Variants in NBEA observed in about 807,000 individuals in gnomAD.
NBEA encodes lysosomal-trafficking regulator 2.
A neutral mutation model predicts 343.4 loss-of-function variants in NBEA; 44 were observed. The ratio of observed to expected loss-of-function variants is 0.13; its 90% CI spans 0.10 to 0.16. NBEA has a LOEUF of 0.16. Among genes scored for constraint, NBEA ranks in the 10% least tolerant of loss-of-function variants. The pLI, the probability that NBEA is intolerant of heterozygous loss-of-function variation, is 1.00. For missense variants in NBEA, 2,555 were observed against 3,631.3 expected (o/e 0.70, Z 7.62); for synonymous variants, 1,175 against 1,238.7 (o/e 0.95, Z 1.08).
chr13:35,493,101 A>G (rs563698415), intron 41 of NBEA, among the ~76,000 whole-genome samples: 1 of 152,074 alleles, frequency 6.6e-6, no homozygotes, highest in African/African-American at 2.4e-5. Flanking sequence ...AAAAGTGATT[A>G]TAAGATTCTG....
intron 36 of NBEA, among the ~76,000 whole-genome samples, chr13:35,337,736 C>T (rs1055648601): frequency 1.3e-5 from 2 of 152,006 alleles, no homozygotes; most frequent in African/African-American, 4.8e-5. Flanking sequence ...AAAAACAATT[C>T]TCAGTAAGTT....
At chr13:35,055,372 C>A (rs1475732914) in intron 6 of NBEA, among the ~76,000 whole-genome samples, 1 of 151,600 alleles carries the variant, frequency 6.6e-6, no homozygotes, top group Non-Finnish European at 1.5e-5. Context: ...AATATGAACT[C>A]TTTCATTTAT....
At chr13:35,490,807 A>G (rs942078125) in intron 41 of NBEA, among the ~76,000 whole-genome samples, 1 of 151,918 alleles carries the variant, frequency 6.6e-6, no homozygotes, top group African/African-American at 2.4e-5. Context: ...CATTGTTAAG[A>G]ATCTGAAACA....
intron 41 of NBEA, chr13:35,475,401 G>C: frequency 6.2e-7 from 1 of 1,613,694 alleles, no homozygotes; most frequent in African/African-American, 1.3e-5. Flanking sequence ...ACTTCTTTCT[G>C]CAGCCCCCCA....
intron 8 of NBEA, among the ~76,000 whole-genome samples, chr13:35,063,544 G>T (rs536579602): frequency 3.9e-5 from 6 of 152,126 alleles, no homozygotes; most frequent in African/African-American, 1.4e-4. Flanking sequence ...GCAAGGGGAA[G>T]AGTCAAGGAA....
In NBEA at chr13:35,377,236, A is replaced by T. The variant is rs527555975; in HGVS notation, c.6179+24913A>T. ...TCATCAAAAACAGTATTAATCTAAT[A>T]AACAGCAAGGAGCAGCAGCAGCAAT... On this transcript the variant is annotated intron_variant, in intron 38 of 58. Transcript: ENST00000379939. 4.6e-5 allele frequency among the ~76,000 whole-genome samples: 7 copies of T among 152,310 alleles called. No individual in the cohort carries two copies. In the South Asian group the frequency reaches 1.4e-3, roughly 32 times the overall value.
At chr13:35,104,825 G>T (rs751438676) in intron 11 of NBEA, among the ~76,000 whole-genome samples, 12 of 151,826 alleles carry the variant, frequency 7.9e-5, no homozygotes, top group Non-Finnish European at 1.3e-4. Flanking sequence ...AAACTTAGAG[G>T]TTATCCAGCG....
At chr13:35,640,578 G>C (rs1359711759) in intron 49 of NBEA, among the ~76,000 whole-genome samples, 1 of 152,196 alleles carries the variant, frequency 6.6e-6, no homozygotes, top group African/African-American at 2.4e-5. Context: ...CCATGAAGAT[G>C]TCATAATTTC....
intron 39 of NBEA, among the ~76,000 whole-genome samples, chr13:35,433,895 A>G (rs1311940128): frequency 6.6e-6 from 1 of 152,024 alleles, no homozygotes; most frequent in Non-Finnish European, 1.5e-5. Flanking sequence ...CATTTCATTT[A>G]ACCAATAATT....
At chr13:35,598,495 A>G (rs1217972463) in intron 47 of NBEA, among the ~76,000 whole-genome samples, 1 of 152,188 alleles carries the variant, frequency 6.6e-6, no homozygotes, top group Non-Finnish European at 1.5e-5. Flanking sequence ...CTTTCTCTGC[A>G]TGCTTCCTGA....
rs543578492 is a variant in NBEA at position 35,274,012 on chromosome 13, T to A, written c.5777-16377T>A. Among the ~76,000 whole-genome samples, 3 of 152,338 alleles carry A rather than the reference T, an allele frequency of 2.0e-5. 1 individual carries two copies. The South Asian group carries it at 6.2e-4, about 32-fold the overall frequency. On this transcript the variant is annotated intron_variant, in intron 34 of 58. Transcript: ENST00000379939. Reference sequence around the variant, plus strand: ...AAGAGGGAATCCTCCTTAACTCATTTTATGAAGCCAGCATCAACCTGATAC... The same window carrying A: ...AAGAGGGAATCCTCCTTAACTCATTATATGAAGCCAGCATCAACCTGATAC...
At chr13:34,983,455 G>C (rs1281394635) in intron 1 of NBEA, among the ~76,000 whole-genome samples, 3 of 152,116 alleles carry the variant, frequency 2.0e-5, no homozygotes, top group African/African-American at 7.2e-5. Context: ...CTAAGTCTTT[G>C]CTATTGTGAA....
At chr13:34,998,539 G>A (rs906475763) in intron 1 of NBEA, among the ~76,000 whole-genome samples, 15 of 152,166 alleles carry the variant, frequency 9.9e-5, no homozygotes, top group African/African-American at 3.1e-4. Flanking sequence ...CATTTTAGAG[G>A]CCTCCCCTCA....
chr13:35,661,088 G>A (rs1009385305), intron 55 of NBEA, among the ~76,000 whole-genome samples: 1 of 152,104 alleles, frequency 6.6e-6, no homozygotes, highest in East Asian at 1.9e-4. Flanking sequence ...ACTCGGCCTC[G>A]GCTTTTCCTT....
At chr13:34,986,124 G>T (rs1251888842) in intron 1 of NBEA, among the ~76,000 whole-genome samples, 1 of 150,672 alleles carries the variant, frequency 6.6e-6, no homozygotes, top group African/African-American at 2.4e-5. Context: ...TAATTGTGAT[G>T]TTAGGGTGTC....
intron 41 of NBEA, among the ~76,000 whole-genome samples, chr13:35,544,972 T>C (rs2079000813): frequency 6.6e-6 from 1 of 152,148 alleles, no homozygotes; most frequent in South Asian, 2.1e-4. Context: ...TATGGGAAGC[T>C]TGGCTTAAGA....
At chr13:35,191,293 A>G (rs1218533910) in intron 30 of NBEA, among the ~76,000 whole-genome samples, 1 of 152,104 alleles carries the variant, frequency 6.6e-6, no homozygotes, top group Admixed American at 6.6e-5. Flanking sequence ...TATATGTCTA[A>G]AAAGCTCAAT....
At chr13:35,370,402 C>T (rs2041361416) in intron 38 of NBEA, among the ~76,000 whole-genome samples, 1 of 151,708 alleles carries the variant, frequency 6.6e-6, no homozygotes, top group East Asian at 1.9e-4. Flanking sequence ...TTTCCCATTC[C>T]TTTATTTTTA....
At chr13:35,264,505 A>C (rs117092184) in intron 34 of NBEA, among the ~76,000 whole-genome samples, 4,639 of 152,166 alleles carry the variant, frequency 0.03, 94 homozygotes, top group South Asian at 0.077. Flanking sequence ...GCAACAAAAT[A>C]CTAGCAAACC....
Sources: allele counts gnomAD v4.1 joint callset (sites outside exome capture counted in the v4.1 genomes callset), GRCh38; gene constraint gnomAD v4.1.1; transcripts MANE v1.5; gene names NCBI Gene and HGNC (gene_info 2026-07-23, HGNC 2026-07-21).